The following NEGR1 variants were observed in gnomAD, a reference collection of about 807,000 sequenced individuals.
NEGR1 encodes neuronal growth regulator 1, also known as IgLON family member 4.
A neutral mutation model predicts 40.9 loss-of-function variants in NEGR1; 10 were observed. The ratio of observed to expected loss-of-function variants is 0.24; its 90% CI spans 0.15 to 0.42. The LOEUF (loss-of-function observed/expected upper bound fraction) is 0.42, where lower values mean the gene tolerates loss of function less well. NEGR1 is among the 10% of genes least tolerant of loss of function. NEGR1 has a pLI of 1.00. For missense variants in NEGR1, 352 were observed against 438.9 expected (o/e 0.80, Z 1.77); for synonymous variants, 185 against 166.8 (o/e 1.11, Z -0.84).
chr1:71,645,469 A>C (rs1289959234), intron 4 of NEGR1, among the ~76,000 whole-genome samples: 1 of 151,960 alleles, frequency 6.6e-6, no homozygotes, highest in Non-Finnish European at 1.5e-5. Context: ...CATATAATAT[A>C]GTCTTAGAAA....
intron 6 of NEGR1, among the ~76,000 whole-genome samples, chr1:71,435,393 A>T (rs941297848): frequency 2.0e-5 from 3 of 152,196 alleles, no homozygotes; most frequent in African/African-American, 7.2e-5. Flanking sequence ...GCATAAAAAA[A>T]TGCCAAGATA....
At chr1:71,511,324 G>A (rs1647071756) in intron 6 of NEGR1, among the ~76,000 whole-genome samples, 1 of 152,176 alleles carries the variant, frequency 6.6e-6, no homozygotes, top group African/African-American at 2.4e-5. Flanking sequence ...AGTTTCTCAT[G>A]TATAAATTGA....
At chr1:72,265,440 T>G (rs1358034553) in intron 1 of NEGR1, among the ~76,000 whole-genome samples, 2 of 151,034 alleles carry the variant, frequency 1.3e-5, no homozygotes. Flanking sequence ...CCAATTTAAT[T>G]AAATAACTAA....
Position 71,396,445 on chromosome 1 carries a change from G to A in NEGR1, c.*11001C>T, listed in dbSNP as rs1453629110. 1 of 152,208 alleles carries A rather than the reference G, an allele frequency of 6.6e-6. No individual in the cohort carries two copies. The highest frequency in any genetic ancestry group is 2.4e-5 in the African/African-American group (1 of 41,448). 9.4% of individuals were successfully genotyped at this position (152,208 alleles called of 1,614,324 possible). The stretch of plus-strand genomic sequence containing the variant: ...ACGTTAAGGTCAACCACTTTTCAGT[G>A]TAAATTAAATCTGATTTTTAAAATT... On this transcript the variant is annotated 3_prime_UTR_variant, in exon 7 of 7. Transcript: ENST00000357731.
chr1:71,966,442 C>T (rs1055783766), intron 1 of NEGR1, among the ~76,000 whole-genome samples: 7 of 152,124 alleles, frequency 4.6e-5, no homozygotes, highest in Admixed American at 2.0e-4. Flanking sequence ...TCAACCACAC[C>T]GGATAGAGTT....
intron 2 of NEGR1, among the ~76,000 whole-genome samples, chr1:71,927,818 TAAAAAAAAA>T (rs35429988): frequency 0.2 from 4,332 of 21,530 alleles, 155 homozygotes; most frequent in Admixed American, 0.29. Flanking sequence ...ACCCAATCTC[TAAAAAAAAA>T]AAAAAAAAAA....
chr1:71,612,014 A>C (rs1273097078), intron 4 of NEGR1, among the ~76,000 whole-genome samples: 1 of 152,188 alleles, frequency 6.6e-6, no homozygotes, highest in Non-Finnish European at 1.5e-5. Context: ...CGAGGTCAGG[A>C]GATCAAGACC....
At chr1:71,925,046 A>G (rs1645759169) in intron 2 of NEGR1, among the ~76,000 whole-genome samples, 2 of 152,164 alleles carry the variant, frequency 1.3e-5, no homozygotes, top group Non-Finnish European at 2.9e-5. Flanking sequence ...TGAGTTTCTA[A>G]CATTTGTCAG....
intron 1 of NEGR1, among the ~76,000 whole-genome samples, chr1:72,063,717 A>G (rs1647212201): frequency 6.6e-6 from 1 of 151,944 alleles, no homozygotes; most frequent in Non-Finnish European, 1.5e-5. Flanking sequence ...TCACAAAACT[A>G]TCTCACATGC....
intron 1 of NEGR1, among the ~76,000 whole-genome samples, chr1:72,115,890 G>T (rs1345145101): frequency 6.6e-6 from 1 of 151,716 alleles, no homozygotes; most frequent in Non-Finnish European, 1.5e-5. Context: ...TTTAATGTAG[G>T]CCCATGAAAT....
intron 1 of NEGR1, among the ~76,000 whole-genome samples, chr1:71,981,109 T>G (rs1646350779): frequency 6.6e-6 from 1 of 152,152 alleles, no homozygotes; most frequent in African/African-American, 2.4e-5. Flanking sequence ...AGCTACTAGG[T>G]GTAAGAATGA....
At chr1:72,282,219 A>G in intron 1 of NEGR1, 100 bp downstream of exon 1, 2 of 1,340,582 alleles carry the variant, frequency 1.5e-6, no homozygotes, top group Non-Finnish European at 2.1e-6. Context: ...GATGAGCACC[A>G]CCAGCATTAT....
At chr1:72,053,034 A>C (rs577011082) in intron 1 of NEGR1, among the ~76,000 whole-genome samples, 2 of 151,498 alleles carry the variant, frequency 1.3e-5, no homozygotes, top group East Asian at 1.9e-4. Flanking sequence ...ATGCTTATCA[A>C]GTTTTATTAC....
intron 6 of NEGR1, among the ~76,000 whole-genome samples, chr1:71,562,624 A>G (rs928324727): frequency 2.0e-5 from 3 of 151,972 alleles, no homozygotes; most frequent in African/African-American, 2.4e-5. Context: ...CCTTTTAAAA[A>G]TGTATGAAAT....
intron 6 of NEGR1, among the ~76,000 whole-genome samples, chr1:71,521,053 A>C (rs1175798448): frequency 6.6e-6 from 1 of 152,080 alleles, no homozygotes; most frequent in Non-Finnish European, 1.5e-5. Context: ...AATCTTAATT[A>C]GCAGCCCGTT....
chr1:71,877,005 A>G (rs756152819), intron 2 of NEGR1, among the ~76,000 whole-genome samples: 94 of 152,036 alleles, frequency 6.2e-4, no homozygotes, highest in Non-Finnish European at 1.2e-3. Flanking sequence ...AAAAAATAGC[A>G]GTAATAGTGT....
intron 4 of NEGR1, among the ~76,000 whole-genome samples, chr1:71,691,993 T>C (rs1358971287): frequency 2.0e-5 from 3 of 151,778 alleles, no homozygotes. Flanking sequence ...GTATATCTTA[T>C]ATCCTTGCAC....
chr1:71,779,523 C>T (rs977296027), intron 2 of NEGR1, among the ~76,000 whole-genome samples: 7 of 151,918 alleles, frequency 4.6e-5, no homozygotes, highest in East Asian at 1.9e-4. Flanking sequence ...GAATAGTTTA[C>T]GCACAAGGTT....
chr1:72,053,880 T>TAAA (rs59398777), intron 1 of NEGR1, among the ~76,000 whole-genome samples: 6 of 147,068 alleles, frequency 4.1e-5, no homozygotes, highest in African/African-American at 9.9e-5. Flanking sequence ...ATTTTAAGAT[T>TAAA]AAAAAAAAAA....
Sources: allele counts gnomAD v4.1 joint callset (sites outside exome capture counted in the v4.1 genomes callset), GRCh38; gene constraint gnomAD v4.1.1; transcripts MANE v1.5; gene names NCBI Gene and HGNC (gene_info 2026-07-23, HGNC 2026-07-21).